The following JADE1 variants were observed in gnomAD, a reference collection of about 807,000 sequenced individuals.
The protein encoded by JADE1 is protein Jade-1.
Under a neutral mutation model 81.8 loss-of-function variants are expected in JADE1, and 14 were observed. The observed-to-expected ratio is 0.17, with a 90% CI of 0.11 to 0.27. The LOEUF (loss-of-function observed/expected upper bound fraction) is 0.27, where lower values mean the gene tolerates loss of function less well. JADE1 is among the 10% of genes least tolerant of loss of function. The pLI is 1.00. For synonymous variants in JADE1, 353 were observed against 391.9 expected (o/e 0.90, Z 1.17); for missense variants, 690 against 1,047.9 (o/e 0.66, Z 4.71).
intron 2 of JADE1, among the ~76,000 whole-genome samples, chr4:128,835,170 A>G (rs1728883074): frequency 6.6e-6 from 1 of 152,168 alleles, no homozygotes. Context: ...TAAACATGGA[A>G]ATCTGGTGGT....
intron 9 of JADE1, chr4:128,862,608 C>G (rs1025217068): frequency 2.2e-5 from 23 of 1,035,300 alleles, no homozygotes; most frequent in South Asian, 3.7e-5. Context: ...TTTAGAAAAC[C>G]AGAACGGATT....
At position 128,861,909 on chromosome 4, in the gene JADE1, C is replaced by T. The variant is rs151117616; in HGVS notation, c.1187C>T (p.Pro396Leu). 123 of 1,613,944 alleles carry T rather than the reference C, an allele frequency of 7.6e-5. No homozygotes were observed. The highest frequency in any genetic ancestry group is 1.2e-4 in the African/African-American group (9 of 74,926). ...GCCCCTGAGTGTTCCCCCCGGAATC[C>T]GCTGGAGCCCTTTGCCAGCCTTGAG... ...NGAPECSPRN[P>L]LEPFASLEQN... The change falls in exon 9 of 11, where the codon CCG (proline) becomes CTG (leucine). Residue 396 changes from proline to leucine, a missense_variant. Pro to Leu is a moderately conservative substitution (Grantham distance 98). Around this residue, in one of 8 missense-constraint regions of JADE1, gnomAD observed 77 missense variants for 76.4 expected, o/e 1.01. Transcript: ENST00000226319.
Position 128,873,273 on chromosome 4 carries a change from G to GAAA in JADE1, c.*1016_*1018dup, listed in dbSNP as rs1553953485. On this transcript the variant is annotated 3_prime_UTR_variant, in exon 11 of 11. Transcript: ENST00000226319. ...AGAAAAAGGAAAAAAAAAAAAAAAA[G>GAAA]AAAAAAAGAAAAAAAAAAGAAAAAA... The GAAA allele has an allele frequency of 3.8e-5, 3 of 78,658 alleles. No homozygotes were observed. Among genetic ancestry groups the GAAA allele is most frequent in the Non-Finnish European group, 8.0e-5 (3 of 37,292 alleles). The allele number at this position is 78,658 out of a possible 1,614,324, so 4.9% of individuals were successfully genotyped here.
rs373269813 is a variant in JADE1 at position 128,821,842 on chromosome 4, A to C, written c.-26-9891A>C. Among the ~76,000 whole-genome samples, 12 of 151,860 alleles carry C rather than the reference A, an allele frequency of 7.9e-5. No individual in the cohort carries two copies. The East Asian group carries it at 1.9e-3, about 25-fold the overall frequency. On this transcript the variant is annotated intron_variant, in intron 1 of 10. Transcript: ENST00000226319. ...CAGCCTGTGTATAGTTTAAACCCTA[A>C]TTTTCTTGTCTGGGTTAGTTTTTTT...
At position 128,849,026 on chromosome 4, in the gene JADE1, T is replaced by C. The variant is rs780856254; in HGVS notation, c.343T>C (p.Tyr115His). 18 of 1,613,968 alleles carry C rather than the reference T, an allele frequency of 1.1e-5. No individual in the cohort carries two copies. The African/African-American group carries it at 2.4e-4, about 22-fold the overall frequency. The change falls in exon 5 of 11, where the codon TAC becomes CAC. Residue 115 changes from tyrosine (Y) to histidine (H), a missense_variant. Tyr to His is a moderately conservative substitution (Grantham distance 83). Coordinates refer to ENST00000226319, the MANE Select transcript of JADE1 (RefSeq NM_199320.4). ...CCTCATGTTCATCAGGCCCAAGAAGTACATCGTGTCATCAGGCTCTGAGCC... is the reference window on the plus strand; with the variant it reads ...CCTCATGTTCATCAGGCCCAAGAAGCACATCGTGTCATCAGGCTCTGAGCC... ...KSLMFIRPKKYIVSSGSEPPE... is the reference protein window; with the variant it reads ...KSLMFIRPKKHIVSSGSEPPE...
At chr4:128,825,303 G>C (rs986265088) in intron 1 of JADE1, among the ~76,000 whole-genome samples, 4 of 152,180 alleles carry the variant, frequency 2.6e-5, no homozygotes, top group Non-Finnish European at 2.9e-5. Context: ...GCCTCCCCAA[G>C]TGCCTGGATT....
chr4:128,847,796 G>A (rs751861064), intron 4 of JADE1, among the ~76,000 whole-genome samples: 5 of 152,282 alleles, frequency 3.3e-5, no homozygotes, highest in Middle Eastern at 3.4e-3. Flanking sequence ...TCAGTGTCAC[G>A]TAGATAAAAT....
intron 4 of JADE1, 132 bp from the exon 5 acceptor site, chr4:128,848,848 T>G (rs1730095367): frequency 1.3e-6 from 1 of 786,814 alleles, no homozygotes; most frequent in Admixed American, 2.5e-5. Context: ...GCAGTGACAT[T>G]CAGGTTTTCA....
At chr4:128,815,405 A>G (rs1170945901) in intron 1 of JADE1, among the ~76,000 whole-genome samples, 1 of 152,194 alleles carries the variant, frequency 6.6e-6, no homozygotes, top group East Asian at 1.9e-4. Flanking sequence ...CGGCAATCTT[A>G]AGTAACTTTT....
chr4:128,871,374 C>T lies in JADE1; in HGVS notation c.1641C>T (p.Ser547=). The change falls in exon 11 of 11, where the codon TCC becomes TCT. Residue 547 remains serine (S), a synonymous_variant. Transcript: ENST00000226319. This position sits in a 1 kb window ranked among gnomAD's most constrained non-coding sequence, Gnocchi z 4.1. ...ERVSGVPSSC[S]SSSLENMLLF... Reference sequence around the variant, plus strand: ...TTATAGGTGTGCCTTCTTCCTGCTCCTCCTCCTCACTGGAAAACATGCTTT... The same window carrying T: ...TTATAGGTGTGCCTTCTTCCTGCTCTTCCTCCTCACTGGAAAACATGCTTT... 1 of 1,613,444 alleles carries T rather than the reference C, an allele frequency of 6.2e-7. No homozygotes were observed. The highest frequency in any genetic ancestry group is 8.5e-7 in the Non-Finnish European group (1 of 1,179,488).
At chr4:128,817,938 T>C (rs1381398087) in intron 1 of JADE1, among the ~76,000 whole-genome samples, 1 of 152,248 alleles carries the variant, frequency 6.6e-6, no homozygotes, top group Non-Finnish European at 1.5e-5. Flanking sequence ...TTTCTGCTTA[T>C]TGGTCATTAA....
At chr4:128,865,320 G>C (rs1330287865) in intron 9 of JADE1, among the ~76,000 whole-genome samples, 1 of 152,178 alleles carries the variant, frequency 6.6e-6, no homozygotes, top group Non-Finnish European at 1.5e-5. Context: ...ACCTCCAAAG[G>C]GTGGTTCTGT....
chr4:128,832,340 C>T (rs1728627306), intron 2 of JADE1, among the ~76,000 whole-genome samples: 1 of 152,198 alleles, frequency 6.6e-6, no homozygotes, highest in Non-Finnish European at 1.5e-5. Flanking sequence ...TTTCACAGTG[C>T]AGCTGAGAAC....
Position 128,875,013 on chromosome 4 carries a change from A to G in JADE1, c.*2751A>G, listed in dbSNP as rs1337888597. On this transcript the variant is annotated 3_prime_UTR_variant, in exon 11 of 11. Coordinates refer to ENST00000226319, the MANE Select transcript of JADE1 (RefSeq NM_199320.4). ...CCATTCAGCTAAAATTGAAAAAAAA[A>G]AAAAGGTGCATGAAGAGTTAAAAAT... is the stretch of plus-strand genomic sequence containing the variant. 1 of 151,178 alleles carries G rather than the reference A, an allele frequency of 6.6e-6. No individual in the cohort carries two copies. The highest frequency in any genetic ancestry group is 1.5e-5 in the Non-Finnish European group (1 of 67,964). 9.4% of individuals were successfully genotyped at this position (151,178 alleles called of 1,614,324 possible). A position where few individuals can be genotyped will look rare whatever the true frequency, so the allele number is the denominator to read the frequency against.
intron 1 of JADE1, among the ~76,000 whole-genome samples, chr4:128,829,870 G>T (rs1728386565): frequency 6.6e-6 from 1 of 151,676 alleles, no homozygotes; most frequent in Admixed American, 6.6e-5. Context: ...TATCACAGTG[G>T]TTCTCCACAT....
At chr4:128,847,011 AG>A (rs1729927402) in intron 4 of JADE1, among the ~76,000 whole-genome samples, 1 of 152,188 alleles carries the variant, frequency 6.6e-6, no homozygotes, top group African/African-American at 2.4e-5. Flanking sequence ...GAGACCTGTC[AG>A]TTAGGGTTTG....
At chr4:128,819,011 T>G (rs1727306059) in intron 1 of JADE1, among the ~76,000 whole-genome samples, 1 of 152,022 alleles carries the variant, frequency 6.6e-6, no homozygotes, top group Admixed American at 6.6e-5. Context: ...TTGTATTTTT[T>G]GTAGAGATGG....
intron 1 of JADE1, among the ~76,000 whole-genome samples, chr4:128,810,805 C>A (rs1039272004): frequency 2.0e-5 from 3 of 152,040 alleles, no homozygotes; most frequent in Admixed American, 2.0e-4. Flanking sequence ...GTGATCAGAT[C>A]TTTTACTTAC....
Position 128,849,053 on chromosome 4 carries a change from C to T in JADE1, c.370C>T (p.Pro124Ser), listed in dbSNP as rs1730119124. 1 of 1,614,054 alleles carries T rather than the reference C, an allele frequency of 6.2e-7. No homozygotes were observed. Among genetic ancestry groups the T allele is most frequent in the Non-Finnish European group, 8.5e-7 (1 of 1,180,042 alleles). ...CATCGTGTCATCAGGCTCTGAGCCT[C>T]CCGAGTTGGGCTATGTGGACATCCG... is the stretch of plus-strand genomic sequence containing the variant. ...KYIVSSGSEP[P>S]ELGYVDIRTL... Residue 124 changes from proline to serine, a missense_variant, in exon 5 of 11, where the codon CCC becomes TCC. This residue lies in a region of JADE1 where 98 missense variants were observed against 161.3 expected (regional missense o/e 0.61). Transcript: ENST00000226319.
Sources: allele counts gnomAD v4.1 joint callset (sites outside exome capture counted in the v4.1 genomes callset), GRCh38; gene constraint gnomAD v4.1.1; regional missense constraint gnomAD v4.1.1; non-coding constraint Gnocchi (gnomAD v3.1); transcripts MANE v1.5; gene names NCBI Gene and HGNC (gene_info 2026-07-23, HGNC 2026-07-21).